The following CNGB1 variants were observed in gnomAD, a reference collection of about 807,000 sequenced individuals.
CNGB1 encodes the protein cyclic nucleotide-gated channel beta-1.
Under a neutral mutation model 151.7 loss-of-function variants are expected in CNGB1, and 126 were observed. The ratio of observed to expected loss-of-function variants is 0.83; its 90% CI spans 0.72 to 0.96. The LOEUF (loss-of-function observed/expected upper bound fraction) is 0.96, where lower values mean the gene tolerates loss of function less well. Among genes scored for constraint, CNGB1 ranks in the 40% least tolerant of loss-of-function variants. The probability of loss-of-function intolerance (pLI) is 0.00; values close to 1 mark genes in which losing one functional copy is unlikely to be tolerated. For synonymous variants in CNGB1, 623 were observed against 635.1 expected (o/e 0.98, Z 0.29); for missense variants, 1,698 against 1,627.0 (o/e 1.04, Z -0.75).
chr16:57,955,795 C>G (rs1248292625), intron 12 of CNGB1, among the ~76,000 whole-genome samples: 1 of 152,146 alleles, frequency 6.6e-6, no homozygotes, highest in Non-Finnish European at 1.5e-5. Flanking sequence ...TGCCAAGGAC[C>G]GCAAGTGGCC....
intron 29 of CNGB1, 76 bp from the exon 30 acceptor site, chr16:57,897,990 G>C: frequency 6.7e-7 from 1 of 1,499,692 alleles, no homozygotes; most frequent in Non-Finnish European, 9.3e-7. Flanking sequence ...TGGATCCAGA[G>C]GCTGGAGGTC....
Position 57,911,808 on chromosome 16 carries a change from A to C in CNGB1, c.2437T>G (p.Ser813Ala). The change falls in exon 25 of 33, where the codon TCG (serine) becomes GCG (alanine). Residue 813 changes from serine (S) to alanine (A), a missense_variant. Transcript: ENST00000251102. ...GTGGAGCCGAGGCCCTGATAGGCCG[A>C]TGCCCAGTAATAAAGACAGGAATTC... is the stretch of plus-strand genomic sequence containing the variant. ...HLNSCLYYWA[S>A]AYQGLGSTHW... 6.2e-7 allele frequency: 1 copy of C among 1,614,144 alleles called. No individual in the cohort carries two copies. Among genetic ancestry groups the C allele is most frequent in the Non-Finnish European group, 8.5e-7 (1 of 1,179,982 alleles).
Position 57,957,367 on chromosome 16 carries a change from G to C in CNGB1, c.848C>G (p.Ser283Cys), listed in dbSNP as rs756046311. Residue 283 changes from serine (S) to cysteine (C), a missense_variant, in exon 12 of 33, where the codon TCC becomes TGC. Transcript: ENST00000251102. Reference sequence around the variant, plus strand: ...GGTCTGCACATCACATATCCCAGGGGAGTCAGGCTCCTGCATGGAGAGAGA... The same window carrying C: ...GGTCTGCACATCACATATCCCAGGGCAGTCAGGCTCCTGCATGGAGAGAGA... ...HGKIGEQEPDSPGICDVQTIS... is the reference protein window; with the variant it reads ...HGKIGEQEPDCPGICDVQTIS... The C allele has an allele frequency of 1.2e-6, 2 of 1,613,940 alleles. No homozygotes were observed. Among genetic ancestry groups the C allele is most frequent in the Admixed American group, 3.3e-5 (2 of 60,020 alleles).
Position 57,962,081 on chromosome 16 carries a change from G to C in CNGB1, c.458+484C>G, listed in dbSNP as rs570369127. On this transcript the variant is annotated intron_variant, in intron 7 of 32. Coordinates refer to ENST00000251102, the MANE Select transcript of CNGB1 (RefSeq NM_001297.5). ...GAAGAGGCAGTTGAAACCAAGCAGG[G>C]CCCCTTCTCGGAGCTCCCTGGCTCC... 8.5e-5 allele frequency among the ~76,000 whole-genome samples: 13 copies of C among 152,278 alleles called. No homozygotes were observed. In the South Asian group the frequency reaches 2.5e-3, roughly 29 times the overall value.
intron 19 of CNGB1, among the ~76,000 whole-genome samples, chr16:57,919,705 C>T (rs1490327005): frequency 6.6e-6 from 1 of 152,194 alleles, no homozygotes; most frequent in Non-Finnish European, 1.5e-5. Context: ...GAGAGGGAAT[C>T]TCAACTCTTT....
intron 14 of CNGB1, among the ~76,000 whole-genome samples, chr16:57,945,539 A>C (rs1961785086): frequency 6.6e-6 from 1 of 152,198 alleles, no homozygotes; most frequent in African/African-American, 2.4e-5. Context: ...GTGCAGCCTG[A>C]CCTATTTGAG....
At chr16:57,968,554 C>T (rs1392814798) in intron 1 of CNGB1, among the ~76,000 whole-genome samples, 1 of 151,880 alleles carries the variant, frequency 6.6e-6, no homozygotes, top group African/African-American at 2.4e-5. Context: ...TGGCACATGC[C>T]GAGGGCTTAA....
chr16:57,916,496 G>T (rs1324556930), intron 21 of CNGB1, among the ~76,000 whole-genome samples: 1 of 152,204 alleles, frequency 6.6e-6, no homozygotes, highest in East Asian at 1.9e-4. Flanking sequence ...TAGTCACTCT[G>T]ATCAGGCCAG....
At chr16:57,915,467 G>A (rs1960840046) in intron 22 of CNGB1, 132 bp from the exon 23 acceptor site, 2 of 747,600 alleles carry the variant, frequency 2.7e-6, no homozygotes, top group East Asian at 2.7e-5. Context: ...CTTAAAACTA[G>A]AGGGCAGAAG....
chr16:57,884,041 A>G lies in CNGB1; in HGVS notation c.*123T>C. ...GGTCAGAGCTGCAGCCACTGAGGTCACGACTACGGAAAAGCATCTTCTCTT... is the reference window on the plus strand; with the variant it reads ...GGTCAGAGCTGCAGCCACTGAGGTCGCGACTACGGAAAAGCATCTTCTCTT... On this transcript the variant is annotated 3_prime_UTR_variant, in exon 33 of 33. Coordinates refer to ENST00000251102, the MANE Select transcript of CNGB1 (RefSeq NM_001297.5). 7 of 1,433,056 alleles carry G rather than the reference A, an allele frequency of 4.9e-6. No individual in the cohort carries two copies. Among genetic ancestry groups the G allele is most frequent in the Non-Finnish European group, 4.9e-6 (5 of 1,022,732 alleles). 88.8% of individuals were successfully genotyped at this position (1,433,056 alleles called of 1,614,324 possible). A position where few individuals can be genotyped will look rare whatever the true frequency, so the allele number is the denominator to read the frequency against.
intron 30 of CNGB1, 108 bp from the exon 31 acceptor site, chr16:57,897,651 G>A: frequency 6.4e-7 from 1 of 1,572,668 alleles, no homozygotes; most frequent in Non-Finnish European, 8.7e-7. Context: ...ACACAGATGA[G>A]AACCTTCCCC....
intron 31 of CNGB1, among the ~76,000 whole-genome samples, chr16:57,896,285 G>A (rs1960222189): frequency 6.6e-6 from 1 of 152,156 alleles, no homozygotes; most frequent in South Asian, 2.1e-4. Flanking sequence ...GGGAGTAAAT[G>A]GCATCGTGCG....
At chr16:57,925,486 T>C (rs1327898233) in intron 17 of CNGB1, among the ~76,000 whole-genome samples, 1 of 152,100 alleles carries the variant, frequency 6.6e-6, no homozygotes, top group Non-Finnish European at 1.5e-5. Flanking sequence ...TTGGGAGTGG[T>C]AGGACTAGAA....
chr16:57,922,350 A>G (rs1189917258), intron 18 of CNGB1, among the ~76,000 whole-genome samples: 1 of 152,036 alleles, frequency 6.6e-6, no homozygotes, highest in Non-Finnish European at 1.5e-5. Context: ...CCACTGGCCC[A>G]GCCCTGGGGA....
At chr16:57,967,545 A>C (rs1962431563) in intron 1 of CNGB1, among the ~76,000 whole-genome samples, 1 of 152,106 alleles carries the variant, frequency 6.6e-6, no homozygotes, top group African/African-American at 2.4e-5. Context: ...ATATTTTTTA[A>C]ATTAGCCAGG....
chr16:57,948,493 A>G (rs1027492203), intron 14 of CNGB1, among the ~76,000 whole-genome samples: 1 of 149,798 alleles, frequency 6.7e-6, no homozygotes, highest in East Asian at 2.0e-4. Flanking sequence ...TGGGCCCCAT[A>G]CTCTTCTTGT....
chr16:57,924,432 G>A (rs1961130030), intron 17 of CNGB1, among the ~76,000 whole-genome samples: 1 of 152,174 alleles, frequency 6.6e-6, no homozygotes, highest in African/African-American at 2.4e-5. Context: ...CTACCAATAG[G>A]AAGAGCATTT....
intron 18 of CNGB1, 82 bp from the exon 19 acceptor site, chr16:57,920,626 T>C (rs1961006459): frequency 6.4e-7 from 1 of 1,554,814 alleles, no homozygotes; most frequent in Non-Finnish European, 8.8e-7. Context: ...GCAGCGTCTG[T>C]GTCCCACCTT....
At chr16:57,897,993 T>C (rs1280900293) in intron 29 of CNGB1, 79 bp from the exon 30 acceptor site, 1 of 1,483,748 alleles carries the variant, frequency 6.7e-7, no homozygotes. Flanking sequence ...ATCCAGAGGC[T>C]GGAGGTCCGG....
Sources: allele counts gnomAD v4.1 joint callset (sites outside exome capture counted in the v4.1 genomes callset), GRCh38; gene constraint gnomAD v4.1.1; transcripts MANE v1.5; gene names NCBI Gene and HGNC (gene_info 2026-07-23, HGNC 2026-07-21).